Variants in LPCAT4 observed in about 807,000 individuals in gnomAD.
LPCAT4 encodes the protein lysophospholipid acyltransferase LPCAT4.
Under a neutral mutation model 66.5 loss-of-function variants are expected in LPCAT4, and 30 were observed. The ratio of observed to expected loss-of-function variants is 0.45; its 90% CI spans 0.34 to 0.61. The LOEUF is 0.61. LPCAT4 is among the 20% of genes least tolerant of loss of function. The pLI is 0.01. For synonymous variants in LPCAT4, 253 were observed against 262.1 expected, an observed-to-expected ratio of 0.97 and a Z score of 0.34; for missense variants, 557 against 656.7, an observed-to-expected ratio of 0.85 and a Z score of 1.66.
In LPCAT4 at chr15:34,367,101, G is replaced by A; in HGVS notation, c.-1C>T. On this transcript the variant is annotated 5_prime_UTR_variant, in exon 1 of 14. Transcript: ENST00000314891. ...AGTCCCCCGGACTTCCCTGGCTCATGGCGGGAGAAGGTGGGAGGGAGGGCA... is the reference window on the plus strand; with the variant it reads ...AGTCCCCCGGACTTCCCTGGCTCATAGCGGGAGAAGGTGGGAGGGAGGGCA... 1 of 1,541,918 alleles carries A rather than the reference G, an allele frequency of 6.5e-7. No homozygotes were observed. Among genetic ancestry groups the A allele is most frequent in the Non-Finnish European group, 8.7e-7 (1 of 1,142,862 alleles).
At position 34,367,038 on chromosome 15, in the gene LPCAT4, G is replaced by T; in HGVS notation, c.63C>A (p.Ser21=). The change falls in exon 1 of 14, where the codon TCC becomes TCA. Residue 21 remains serine (S), a synonymous_variant. Coordinates refer to ENST00000314891, the MANE Select transcript of LPCAT4 (RefSeq NM_153613.3). ...GTAACTCATGCACGAAGGGGTTGGG[G>T]GATGCTGGGGGTCCGGGGGTGGGAT... The part of the protein sequence containing the change: ...PLDPTPGPPA[S]PNPFVHELHL... 1 of 1,561,300 alleles carries T rather than the reference G, an allele frequency of 6.4e-7. No individual in the cohort carries two copies. Among genetic ancestry groups the T allele is most frequent in the Non-Finnish European group, 8.7e-7 (1 of 1,151,348 alleles).
intron 3 of LPCAT4, 152 bp from the exon 4 acceptor site, chr15:34,364,458 T>C: frequency 1.7e-6 from 1 of 587,156 alleles, no homozygotes; most frequent in Non-Finnish European, 3.0e-6. Flanking sequence ...AGTTTCGCTT[T>C]TGTTGCCCAG....
Position 34,364,001 on chromosome 15 carries a change from C to A in LPCAT4, c.652+12G>T. The A allele has an allele frequency of 6.2e-7, 1 of 1,609,662 alleles. No homozygotes were observed. Among genetic ancestry groups the A allele is most frequent in the South Asian group, 1.1e-5 (1 of 91,006 alleles). On this transcript the variant is annotated intron_variant, in intron 5 of 13. Coordinates refer to ENST00000314891, the MANE Select transcript of LPCAT4 (RefSeq NM_153613.3). Reference sequence around the variant, plus strand: ...TTTCCTACAGCCCACCACCCACTATCATTTTATTCACCTGGTTTGAACTTA... The same window carrying A: ...TTTCCTACAGCCCACCACCCACTATAATTTTATTCACCTGGTTTGAACTTA...
chr15:34,361,650 C>G, intron 10 of LPCAT4, 118 bp from the exon 11 acceptor site: 1 of 1,179,934 alleles, frequency 8.5e-7, no homozygotes, highest in Non-Finnish European at 1.2e-6. Flanking sequence ...TGCTGTTTTT[C>G]TAAGATGTAC....
chr15:34,365,957 G>T, intron 1 of LPCAT4: 1 of 442,900 alleles, frequency 2.3e-6, no homozygotes, highest in East Asian at 3.7e-5. Context: ...TTATAAAACC[G>T]AAAGCCATAA....
intron 12 of LPCAT4, 117 bp downstream of exon 12, chr15:34,359,994 T>C (rs1170627374): frequency 2.2e-6 from 2 of 913,622 alleles, no homozygotes; most frequent in South Asian, 3.1e-5. Flanking sequence ...TGGCACTAGG[T>C]TGGATACCAA....
Position 34,360,180 on chromosome 15 carries a change from A to G in LPCAT4, c.1173T>C (p.Asp391=), listed in dbSNP as rs1478500623. ...CCAGAGCTGCTAGTGCAAGGGCCAC[A>G]TCTCGGAAGTCCACCAAACCCTTGG... ...QDTKGLVDFR[D]VALALAALDG... Residue 391 remains aspartate, a synonymous_variant, in exon 12 of 14, where the codon GAT becomes GAC. Coordinates refer to ENST00000314891, the MANE Select transcript of LPCAT4 (RefSeq NM_153613.3). 6.2e-7 allele frequency: 1 copy of G among 1,613,690 alleles called. No homozygotes were observed. Among genetic ancestry groups the G allele is most frequent in the African/African-American group, 1.3e-5 (1 of 74,890 alleles).
At chr15:34,366,039 T>C (rs954797548) in intron 1 of LPCAT4, 1 of 223,942 alleles carries the variant, frequency 4.5e-6, no homozygotes, top group Non-Finnish European at 9.1e-6. Flanking sequence ...TGATGTACAG[T>C]AGGTTAGAGA....
chr15:34,365,363 G>A, intron 2 of LPCAT4, 135 bp from the exon 3 acceptor site: 2 of 1,178,182 alleles, frequency 1.7e-6, no homozygotes, highest in South Asian at 1.5e-5. Flanking sequence ...AAGGTCTCTG[G>A]CCACTTTGGG....
chr15:34,361,215 C>T, intron 11 of LPCAT4, 185 bp downstream of exon 11: 1 of 1,477,050 alleles, frequency 6.8e-7, no homozygotes, highest in Non-Finnish European at 8.9e-7. Context: ...CATTGCTCTT[C>T]AATGCACTGG....
rs763295707 is a variant in LPCAT4, at chr15:34,364,236, C to T, written c.549G>A (p.Glu183=). The stretch of plus-strand genomic sequence containing the variant: ...CTGAGGTGGCCCGCCTTCGGACCTC[C>T]TCCACCACTCTGCGTCGAGAAGCCG... ...HDPASRRRVV[E]EVRRRATSGG... is the part of the protein sequence containing the mutation. The change falls in exon 4 of 14, where the codon GAG becomes GAA. Residue 183 remains glutamate (E), a synonymous_variant. Coordinates refer to ENST00000314891, the MANE Select transcript of LPCAT4 (RefSeq NM_153613.3). 2.5e-6 allele frequency: 4 copies of T among 1,614,104 alleles called. No homozygotes were observed. The highest frequency in any genetic ancestry group is 4.5e-5 in the East Asian group (2 of 44,888).
At chr15:34,361,049 A>G (rs1890930664) in intron 11 of LPCAT4, 2 of 319,256 alleles carry the variant, frequency 6.3e-6, no homozygotes, top group South Asian at 5.6e-5. Flanking sequence ...TCTACATGTC[A>G]TCTTCCCACG....
Position 34,364,991 on chromosome 15 carries a change from C to G in LPCAT4, c.478+17G>C, listed in dbSNP as rs200064468. On this transcript the variant is annotated intron_variant, in intron 3 of 13. Transcript: ENST00000314891. ...AGAGTTGTCACCCTGCCCTTCACCCCCTTTGAACTCTCTCACCTCCAATGA... is the reference window on the plus strand; with the variant it reads ...AGAGTTGTCACCCTGCCCTTCACCCGCTTTGAACTCTCTCACCTCCAATGA... 59 of 1,596,808 alleles carry G rather than the reference C, an allele frequency of 3.7e-5. No homozygotes were observed. In the East Asian group the frequency reaches 8.5e-4, roughly 23 times the overall value.
At chr15:34,366,931 T>G (rs1243330192) in intron 1 of LPCAT4, 56 bp downstream of exon 1, 6 of 1,520,676 alleles carry the variant, frequency 3.9e-6, no homozygotes. Flanking sequence ...AGGGCTCAAA[T>G]GGCCCCATTT....
At position 34,364,053 on chromosome 15, in the gene LPCAT4, G is replaced by A. The variant is rs1891011480; in HGVS notation, c.612C>T (p.Gly204=). Residue 204 remains glycine (G), a synonymous_variant, in exon 5 of 14, where the codon GGC becomes GGT. Transcript: ENST00000314891. ...KWPQVLFFPE[G]TCSNKKALLK... Reference sequence around the variant, plus strand: ...GCAAAGCCTTCTTGTTGGAACAGGTGCCCTCAGGAAAGAATAGCACCTGGG... The same window carrying A: ...GCAAAGCCTTCTTGTTGGAACAGGTACCCTCAGGAAAGAATAGCACCTGGG... The A allele has an allele frequency of 6.2e-7, 1 of 1,613,232 alleles. No homozygotes were observed. The highest frequency in any genetic ancestry group is 8.5e-7 in the Non-Finnish European group (1 of 1,179,188).
chr15:34,362,362 G>A (rs755972152), intron 9 of LPCAT4, 41 bp from the exon 10 acceptor site: 1 of 1,612,144 alleles, frequency 6.2e-7, no homozygotes, highest in Admixed American at 1.7e-5. Flanking sequence ...TAAGGAAGCA[G>A]AAGAAACTTC....
intron 3 of LPCAT4, 110 bp downstream of exon 3, chr15:34,364,898 C>T (rs1243553555): frequency 1.4e-5 from 12 of 857,374 alleles, no homozygotes; most frequent in Non-Finnish European, 2.0e-5. Context: ...TTTCACTTGC[C>T]AACAGTCCCT....
intron 12 of LPCAT4, 115 bp downstream of exon 12, chr15:34,359,995 TG>T: frequency 2.2e-6 from 2 of 916,062 alleles, no homozygotes; most frequent in Non-Finnish European, 3.4e-6. Context: ...GGCACTAGGT[TG>T]GATACCAAAT....
intron 1 of LPCAT4, among the ~76,000 whole-genome samples, chr15:34,366,217 A>G (rs1386717189): frequency 6.6e-6 from 1 of 152,182 alleles, no homozygotes; most frequent in African/African-American, 2.4e-5. Context: ...CAGCAATCTT[A>G]GAGTACCGGG....
Sources: gnomAD v4.1 joint callset for allele counts (sites outside exome capture counted in the v4.1 genomes callset) on GRCh38, gnomAD v4.1.1 for gene constraint, MANE v1.5 for transcripts, NCBI Gene and HGNC (gene_info 2026-07-23, HGNC 2026-07-21) for gene names.